ADCY2: variants seen among roughly 807,000 people sequenced by gnomAD.
ADCY2 encodes adenylate cyclase 2.
A neutral mutation model predicts 125.2 loss-of-function variants in ADCY2; 31 were observed. The observed-to-expected ratio is 0.25, with a 90% CI of 0.19 to 0.33. The LOEUF (loss-of-function observed/expected upper bound fraction) is 0.33. Ranked by LOEUF, ADCY2 falls within the 10% of genes least tolerant of loss-of-function variation. The pLI is 1.00. For synonymous variants in ADCY2, 512 were observed against 548.4 expected (o/e 0.93, Z 0.93); for missense variants, 904 against 1,418.2 (o/e 0.64, Z 5.82).
intron 3 of ADCY2, among the ~76,000 whole-genome samples, chr5:7,580,215 T>TA (rs1416942936): frequency 6.6e-6 from 1 of 152,032 alleles, no homozygotes; most frequent in Non-Finnish European, 1.5e-5. Flanking sequence ...TACACCCATG[T>TA]AAAAAAACAA....
chr5:7,567,912 G>A (rs894329317), intron 3 of ADCY2, among the ~76,000 whole-genome samples: 5 of 143,140 alleles, frequency 3.5e-5, no homozygotes, highest in Non-Finnish European at 6.1e-5. Context: ...GCAACAAAGT[G>A]CTCTGTCGTC....
chr5:7,510,471 A>G (rs1744013172), intron 2 of ADCY2, among the ~76,000 whole-genome samples: 1 of 152,216 alleles, frequency 6.6e-6, no homozygotes, highest in Admixed American at 6.5e-5. Flanking sequence ...CAGGGTTACC[A>G]TAGAGGCTGA....
At chr5:7,525,941 C>T (rs528778278) in intron 3 of ADCY2, among the ~76,000 whole-genome samples, 5 of 152,278 alleles carry the variant, frequency 3.3e-5, no homozygotes, top group South Asian at 2.1e-4. Flanking sequence ...CCAGCTTGTC[C>T]CCTGCAAGCA....
intron 4 of ADCY2, among the ~76,000 whole-genome samples, chr5:7,672,688 G>T (rs1271857756): frequency 6.6e-6 from 1 of 152,136 alleles, no homozygotes; most frequent in East Asian, 1.9e-4. Context: ...CTAAATATAT[G>T]TATCTTATTA....
At chr5:7,689,667 G>A (rs1740642827) in intron 4 of ADCY2, among the ~76,000 whole-genome samples, 2 of 152,030 alleles carry the variant, frequency 1.3e-5, no homozygotes. Context: ...TGTGAACCTG[G>A]AAGCAAATCC....
intron 2 of ADCY2, among the ~76,000 whole-genome samples, chr5:7,461,023 T>C (rs1314671746): frequency 6.6e-6 from 1 of 152,188 alleles, no homozygotes; most frequent in Non-Finnish European, 1.5e-5. Flanking sequence ...CCTGAGTTGG[T>C]AGAGATCCTT....
chr5:7,772,917 C>T lies in ADCY2; in HGVS notation c.2215-15C>T, dbSNP rs1485376581. ...GAGATCCTAAGTATCTGTCTGGTGT[C>T]CTTCCCTGTTTCAGTACTTTATCTA... On this transcript the variant is annotated splice_polypyrimidine_tract_variant and intron_variant, in intron 17 of 24. Coordinates refer to ENST00000338316, the MANE Select transcript of ADCY2 (RefSeq NM_020546.3). 1.2e-6 allele frequency: 2 copies of T among 1,612,438 alleles called. No homozygotes were observed. Among genetic ancestry groups the T allele is most frequent in the Non-Finnish European group, 1.7e-6 (2 of 1,178,774 alleles).
intron 12 of ADCY2, among the ~76,000 whole-genome samples, chr5:7,723,008 G>A (rs1741812802): frequency 6.8e-6 from 1 of 146,906 alleles, no homozygotes; most frequent in African/African-American, 2.5e-5. Context: ...GCAAGGACAT[G>A]GATGGAGCTG....
Position 7,804,632 on chromosome 5 carries a change from T to C in ADCY2, c.2823T>C (p.Ile941=). ...GTGGAGTTGAAAAGATTAAGACCAT[T>C]GGCAGCACATACATGGCAGCAACAG... is the stretch of plus-strand genomic sequence containing the variant. ...KFSGVEKIKT[I]GSTYMAATGL... Residue 941 remains isoleucine (I), a synonymous_variant, in exon 22 of 25, where the codon ATT becomes ATC. Transcript: ENST00000338316. 6.2e-7 allele frequency: 1 copy of C among 1,614,180 alleles called. No individual in the cohort carries two copies. Among genetic ancestry groups the C allele is most frequent in the Non-Finnish European group, 8.5e-7 (1 of 1,180,038 alleles).
intron 2 of ADCY2, among the ~76,000 whole-genome samples, chr5:7,427,517 G>A (rs1283933571): frequency 2.0e-5 from 3 of 152,078 alleles, no homozygotes; most frequent in African/African-American, 4.8e-5. Flanking sequence ...CAGCATGGGG[G>A]AAACTGCTCC....
chr5:7,707,996 T>C (rs1240789909), intron 9 of ADCY2, 158 bp downstream of exon 9: 10 of 775,076 alleles, frequency 1.3e-5, no homozygotes, highest in African/African-American at 7.1e-5. Flanking sequence ...GAAGATGTTT[T>C]GTAATTATGA....
At chr5:7,403,975 CAA>C (rs1491488156) in intron 1 of ADCY2, among the ~76,000 whole-genome samples, 3 of 150,016 alleles carry the variant, frequency 2.0e-5, no homozygotes, top group South Asian at 2.1e-4. Context: ...CACACACACA[CAA>C]AATTACTAAA....
chr5:7,794,657 GCATAGCAAAGTCGTGCCCCT>G (rs1744367717), intron 20 of ADCY2: 1 of 152,158 alleles, frequency 6.6e-6, no homozygotes, highest in Non-Finnish European at 1.5e-5. Context: ...CGTGCATAAA[GCATAGCAAAGTCGTGCCCCT>G]CCCTTCTGTG....
intron 15 of ADCY2, among the ~76,000 whole-genome samples, chr5:7,745,995 C>T (rs2126437905): frequency 6.6e-6 from 1 of 152,292 alleles, no homozygotes; most frequent in Non-Finnish European, 1.5e-5. Context: ...CGCTGGAATC[C>T]CACGCCCTGC....
intron 17 of ADCY2, among the ~76,000 whole-genome samples, chr5:7,768,729 T>G (rs1743469328): frequency 6.6e-6 from 1 of 152,176 alleles, no homozygotes; most frequent in East Asian, 1.9e-4. Context: ...TTACTCAACC[T>G]TTAAAGATTC....
chr5:7,602,729 TA>T (rs1737257611), intron 3 of ADCY2, among the ~76,000 whole-genome samples: 1 of 152,218 alleles, frequency 6.6e-6, no homozygotes, highest in African/African-American at 2.4e-5. Context: ...GGTCTCAATT[TA>T]TTCATTTGCT....
chr5:7,683,273 G>A (rs996695971), intron 4 of ADCY2, among the ~76,000 whole-genome samples: 2 of 152,232 alleles, frequency 1.3e-5, no homozygotes, highest in Non-Finnish European at 2.9e-5. Context: ...CACACCACGT[G>A]AGTGAATGAG....
chr5:7,671,533 G>A (rs1183085817), intron 4 of ADCY2, among the ~76,000 whole-genome samples: 1 of 152,124 alleles, frequency 6.6e-6, no homozygotes, highest in East Asian at 1.9e-4. Context: ...GAGCTGCCTT[G>A]GAAACTTCTT....
At chr5:7,422,219 T>C (rs1395844665) in intron 2 of ADCY2, among the ~76,000 whole-genome samples, 1 of 152,154 alleles carries the variant, frequency 6.6e-6, no homozygotes, top group South Asian at 2.1e-4. Flanking sequence ...CTTTTTTTTT[T>C]AATTGAGATG....
Sources: gnomAD v4.1 joint callset for allele counts (sites outside exome capture counted in the v4.1 genomes callset) on GRCh38, gnomAD v4.1.1 for gene constraint, MANE v1.5 for transcripts, NCBI Gene and HGNC (gene_info 2026-07-23, HGNC 2026-07-21) for gene names.